Variants in CPNE4 observed in about 807,000 individuals in gnomAD.
CPNE4 encodes copine-4.
In CPNE4, 25 loss-of-function variants were observed where a neutral mutation model predicts 67.9. That is an observed-to-expected ratio of 0.37 (90% CI 0.27 to 0.51). The LOEUF (loss-of-function observed/expected upper bound fraction) is 0.51. Among genes scored for constraint, CPNE4 ranks in the 20% least tolerant of loss-of-function variants. The probability of loss-of-function intolerance (pLI) is 0.93; values close to 1 mark genes in which losing one functional copy is unlikely to be tolerated. For missense variants in CPNE4, 464 were observed against 690.8 expected, an observed-to-expected ratio of 0.67 and a Z score of 3.68; for synonymous variants, 242 against 244.9, an observed-to-expected ratio of 0.99 and a Z score of 0.11.
chr3:131,644,288 C>T (rs1275528829), intron 7 of CPNE4, among the ~76,000 whole-genome samples: 1 of 152,004 alleles, frequency 6.6e-6, no homozygotes, highest in African/African-American at 2.4e-5. Context: ...GCTGGGACTA[C>T]AGGTGCCCGC....
intron 2 of CPNE4, among the ~76,000 whole-genome samples, chr3:131,782,223 T>A (rs1353474240): frequency 6.6e-6 from 1 of 152,050 alleles, no homozygotes; most frequent in Non-Finnish European, 1.5e-5. Flanking sequence ...ATTCTGAAGA[T>A]GACAGTTTCT....
At chr3:131,933,906 G>T (rs2071143162) in intron 1 of CPNE4, among the ~76,000 whole-genome samples, 1 of 151,846 alleles carries the variant, frequency 6.6e-6, no homozygotes, top group African/African-American at 2.4e-5. Flanking sequence ...GAAATAAGAT[G>T]TTGGTCAAAG....
intron 1 of CPNE4, among the ~76,000 whole-genome samples, chr3:131,996,486 A>G (rs1459853842): frequency 5.5e-5 from 1 of 18,074 alleles, no homozygotes; most frequent in South Asian, 1.7e-3. Flanking sequence ...AAATGGAGAA[A>G]ATAATAAAAA....
chr3:131,994,700 A>G (rs1027331904), intron 1 of CPNE4, among the ~76,000 whole-genome samples: 4 of 152,216 alleles, frequency 2.6e-5, no homozygotes, highest in African/African-American at 9.7e-5. Context: ...ATTACTTAAA[A>G]TAGCACCTAC....
intron 11 of CPNE4, among the ~76,000 whole-genome samples, chr3:131,556,904 A>G (rs907448704): frequency 1.3e-5 from 2 of 152,236 alleles, no homozygotes; most frequent in East Asian, 1.9e-4. Flanking sequence ...TGATGTATCT[A>G]TTTATTAAAT....
At chr3:131,587,385 A>G (rs1938254755) in intron 8 of CPNE4, 99 bp downstream of exon 8, 1 of 773,894 alleles carries the variant, frequency 1.3e-6, no homozygotes, top group Non-Finnish European at 2.3e-6. Context: ...ACACTTAATC[A>G]TACATTGATG....
intron 1 of CPNE4, among the ~76,000 whole-genome samples, chr3:131,921,137 C>T (rs1473648768): frequency 6.6e-6 from 1 of 152,194 alleles, no homozygotes; most frequent in Non-Finnish European, 1.5e-5. Flanking sequence ...ATCTCAGAAA[C>T]TCACTTCCCC....
intron 7 of CPNE4, among the ~76,000 whole-genome samples, chr3:131,651,014 T>C (rs1185815719): frequency 6.6e-6 from 1 of 152,152 alleles, no homozygotes; most frequent in Non-Finnish European, 1.5e-5. Context: ...ATCTGTAAAA[T>C]TAGAATATTA....
At chr3:131,575,157 G>T in intron 9 of CPNE4, 27 bp from the exon 10 acceptor site, 1 of 1,591,376 alleles carries the variant, frequency 6.3e-7, no homozygotes. Flanking sequence ...AGGAAACTGG[G>T]TTAATAACAG....
intron 2 of CPNE4, among the ~76,000 whole-genome samples, chr3:131,760,173 T>G (rs549295564): frequency 6.6e-6 from 1 of 152,300 alleles, no homozygotes; most frequent in African/African-American, 2.4e-5. Context: ...AAGAACAAAT[T>G]TATTGAAGTG....
At chr3:131,607,409 TG>T (rs967049227) in intron 7 of CPNE4, among the ~76,000 whole-genome samples, 2 of 152,304 alleles carry the variant, frequency 1.3e-5, no homozygotes, top group Admixed American at 1.3e-4. Context: ...CTTCTTTACC[TG>T]GAAGTGTAAA....
At chr3:131,772,496 G>A (rs573155975) in intron 2 of CPNE4, among the ~76,000 whole-genome samples, 34 of 152,210 alleles carry the variant, frequency 2.2e-4, no homozygotes, top group African/African-American at 8.2e-4. Flanking sequence ...ATTCTTGATA[G>A]TATCAGAATC....
chr3:131,684,986 G>A (rs938302093), intron 6 of CPNE4, among the ~76,000 whole-genome samples: 8 of 152,168 alleles, frequency 5.3e-5, no homozygotes, highest in African/African-American at 1.9e-4. Context: ...AAGGTCAGGT[G>A]TTCATATGAT....
chr3:131,938,176 G>A (rs1474827462), intron 1 of CPNE4, among the ~76,000 whole-genome samples: 2 of 151,954 alleles, frequency 1.3e-5, no homozygotes, highest in East Asian at 3.9e-4. Flanking sequence ...GGGCAACATG[G>A]TGAAACCCTG....
chr3:131,581,775 A>G (rs1471610062), intron 8 of CPNE4, 110 bp from the exon 9 acceptor site: 10 of 758,602 alleles, frequency 1.3e-5, no homozygotes, highest in Non-Finnish European at 2.1e-5. Context: ...GGGCTGACAA[A>G]TAGTCTCTAG....
chr3:131,661,338 G>C (rs2080119146), intron 7 of CPNE4, among the ~76,000 whole-genome samples: 1 of 152,108 alleles, frequency 6.6e-6, no homozygotes, highest in African/African-American at 2.4e-5. Flanking sequence ...CGAAAACACA[G>C]GTTCTTAATT....
intron 2 of CPNE4, among the ~76,000 whole-genome samples, chr3:131,740,567 C>T (rs1031446263): frequency 1.3e-5 from 2 of 152,144 alleles, no homozygotes; most frequent in Non-Finnish European, 2.9e-5. Context: ...TACCGGATCT[C>T]ACGGCTTCTC....
At chr3:131,682,203 G>C (rs900916914) in intron 6 of CPNE4, among the ~76,000 whole-genome samples, 2 of 152,010 alleles carry the variant, frequency 1.3e-5, no homozygotes, top group African/African-American at 4.8e-5. Context: ...ATATTCACCA[G>C]TATATCTGGA....
chr3:131,939,421 TGTA>T (rs2071321964), intron 1 of CPNE4, among the ~76,000 whole-genome samples: 3 of 152,138 alleles, frequency 2.0e-5, no homozygotes, highest in African/African-American at 7.2e-5. Context: ...ATTTTAAAAA[TGTA>T]TGTATGTTTG....
Sources: allele counts gnomAD v4.1 joint callset (sites outside exome capture counted in the v4.1 genomes callset), GRCh38; gene constraint gnomAD v4.1.1; transcripts MANE v1.5; gene names NCBI Gene and HGNC (gene_info 2026-07-23, HGNC 2026-07-21).